LAMA5: variants seen among roughly 807,000 people sequenced by gnomAD.
The protein encoded by LAMA5 is laminin subunit alpha-5.
LAMA5 carries 260 observed loss-of-function variants against 433.4 expected under a neutral mutation model. The ratio of observed to expected loss-of-function variants is 0.60; its 90% CI spans 0.54 to 0.66. LAMA5 has a LOEUF of 0.66. LAMA5 is among the 30% of genes least tolerant of loss of function. The probability of loss-of-function intolerance (pLI) is 0.00; values close to 1 mark genes in which losing one functional copy is unlikely to be tolerated. For missense variants in LAMA5, 5,378 were observed against 5,258.5 expected (o/e 1.02, Z -0.70); for synonymous variants, 2,620 against 2,226.6 (o/e 1.18, Z -4.97).
At position 62,315,091 on chromosome 20, in the gene LAMA5, C is replaced by G; in HGVS notation, c.7984G>C (p.Gly2662Arg). ...TGGCCCCGCAGGCCCTCGTACTGGCCCTGCCACCGCTCCACATTCTCCTGC... is the reference window on the plus strand; with the variant it reads ...TGGCCCCGCAGGCCCTCGTACTGGCGCTGCCACCGCTCCACATTCTCCTGC... ...AMQENVERWQGQYEGLRGQDL... is the reference protein window; with the variant it reads ...AMQENVERWQRQYEGLRGQDL... The change falls in exon 59 of 80, where the codon GGC becomes CGC. Residue 2662 changes from glycine to arginine, a missense_variant. Coordinates refer to ENST00000252999, the MANE Select transcript of LAMA5 (RefSeq NM_005560.6). The G allele has an allele frequency of 5.6e-6, 9 of 1,605,114 alleles. No homozygotes were observed. The highest frequency in any genetic ancestry group is 7.6e-6 in the Non-Finnish European group (9 of 1,179,616).
Position 62,318,648 on chromosome 20 carries a change from G to A in LAMA5, c.7045C>T (p.Leu2349=), listed in dbSNP as rs1417731890. The change falls in exon 53 of 80, where the codon CTG becomes TTG. Residue 2349 remains leucine (L), a splice_region_variant and synonymous_variant. Coordinates refer to ENST00000252999, the MANE Select transcript of LAMA5 (RefSeq NM_005560.6). ...CTCAGCTGCTCCTGCACCCGGGCCA[G>A]CACTAGCCGAGACCAGGGTGAGGGT... ...EAELAAAQRL[L]ARVQEQLSSL... 1 of 1,609,344 alleles carries A rather than the reference G, an allele frequency of 6.2e-7. No individual in the cohort carries two copies. The highest frequency in any genetic ancestry group is 8.5e-7 in the Non-Finnish European group (1 of 1,178,664).
At chr20:62,322,819 G>A in intron 45 of LAMA5, 61 bp from the exon 46 acceptor site, 1 of 1,141,924 alleles carries the variant, frequency 8.8e-7, no homozygotes, top group Non-Finnish European at 1.2e-6. Flanking sequence ...GAGCCCCTAG[G>A]CACCCTCCTA....
In LAMA5 at chr20:62,323,677, GC is replaced by G. The variant is rs1415105820; in HGVS notation, c.5850-8del. On this transcript the variant is annotated splice_polypyrimidine_tract_variant and splice_region_variant and intron_variant, in intron 44 of 79. Coordinates refer to ENST00000252999, the MANE Select transcript of LAMA5 (RefSeq NM_005560.6). ...AAAGAATCCGGGCGCACACCTGGGA[GC>G]AGGGTGGGGAGGGGCCGTCAGTGGC... The G allele has an allele frequency of 6.2e-7, 1 of 1,604,050 alleles. No homozygotes were observed.
chr20:62,335,078 C>T lies in LAMA5; in HGVS notation c.2425G>A (p.Ala809Thr), dbSNP rs117678561. 5.1e-5 allele frequency: 82 copies of T among 1,613,054 alleles called. 1 individual carries two copies. The East Asian group carries it at 5.1e-4, about 10-fold the overall frequency. Residue 809 changes from alanine to threonine, a missense_variant, in exon 20 of 80, where the codon GCG becomes ACG. Physicochemically the swap from Ala to Thr is moderately conservative, Grantham distance 58 (BLOSUM62 0). Transcript: ENST00000252999. The part of the protein sequence containing the change: ...CKPHVCGQAC[A>T]SCKDGFFGLD... ...CCAAAGAAGCCATCCTTGCAGGACGCGCAGGCCTGGCCGCACACGTGGGGC... is the reference window on the plus strand; with the variant it reads ...CCAAAGAAGCCATCCTTGCAGGACGTGCAGGCCTGGCCGCACACGTGGGGC...
intron 69 of LAMA5, 60 bp downstream of exon 69, chr20:62,312,113 G>A: frequency 6.2e-7 from 1 of 1,609,818 alleles, no homozygotes; most frequent in Non-Finnish European, 8.5e-7. Context: ...AGACACCCCA[G>A]TCCCAACTGC....
intron 43 of LAMA5, 92 bp downstream of exon 43, chr20:62,323,988 G>A: frequency 7.0e-7 from 1 of 1,418,454 alleles, no homozygotes; most frequent in Non-Finnish European, 9.4e-7. Context: ...AGCTGTCCAG[G>A]CCTCTGCAGA....
At chr20:62,354,409 C>T (rs1312670287) in intron 2 of LAMA5, among the ~76,000 whole-genome samples, 1 of 151,156 alleles carries the variant, frequency 6.6e-6, no homozygotes, top group Non-Finnish European at 1.5e-5. Context: ...CCTCTCCTGC[C>T]CCCAGCAGTC....
chr20:62,342,840 A>G (rs1982806832), intron 11 of LAMA5, among the ~76,000 whole-genome samples: 1 of 152,242 alleles, frequency 6.6e-6, no homozygotes, highest in East Asian at 1.9e-4. Context: ...GTATTTTACA[A>G]AACCAAAACA....
chr20:62,316,615 C>T, intron 57 of LAMA5, 56 bp downstream of exon 57: 4 of 1,357,740 alleles, frequency 2.9e-6, no homozygotes, highest in Non-Finnish European at 4.0e-6. Context: ...CTGAGGGTCC[C>T]TGGGAGCTCA....
At chr20:62,334,978 G>A (rs1233508889) in intron 20 of LAMA5, 43 bp downstream of exon 20, 2 of 1,575,776 alleles carry the variant, frequency 1.3e-6, no homozygotes, top group Non-Finnish European at 1.7e-6. Context: ...ATAAACCGAG[G>A]GGAGGCAGGG....
In LAMA5 at chr20:62,333,372, C is replaced by T. The variant is rs1980868491; in HGVS notation, c.3128+3G>A. On this transcript the variant is annotated splice_donor_region_variant and intron_variant, in intron 25 of 79. Transcript: ENST00000252999. ...CCGGTCCCACCGCACGCATGGCCCT[C>T]ACTTGTCGCCAGACTGCTGGGCAGA... The T allele has an allele frequency of 6.2e-7, 1 of 1,612,436 alleles. No individual in the cohort carries two copies. Among genetic ancestry groups the T allele is most frequent in the Non-Finnish European group, 8.5e-7 (1 of 1,179,820 alleles).
chr20:62,319,917 ACT>A (rs1601308692), intron 50 of LAMA5, 122 bp from the exon 51 acceptor site: 3 of 605,488 alleles, frequency 5.0e-6, no homozygotes, highest in African/African-American at 1.8e-5. Context: ...TATCTATTTA[ACT>A]CTCTTATCTG....
At position 62,323,519 on chromosome 20, in the gene LAMA5, G is replaced by C; in HGVS notation, c.6001C>G (p.Pro2001Ala). The C allele has an allele frequency of 6.4e-7, 1 of 1,573,796 alleles. No homozygotes were observed. The highest frequency in any genetic ancestry group is 8.6e-7 in the Non-Finnish European group (1 of 1,162,632). ...CRGCLRHTTG[P>A]RCEICAPGFY... ...CCGGGGGCACAGATCTCGCAGCGGG[G>C]CCCAGTGGTGTGGCGCAGGCAGCCA... The change falls in exon 45 of 80, where the codon CCC becomes GCC. Residue 2001 changes from proline to alanine, a missense_variant. By Grantham distance (27) the Pro-to-Ala change is conservative (BLOSUM62 -1). Coordinates refer to ENST00000252999, the MANE Select transcript of LAMA5 (RefSeq NM_005560.6).
chr20:62,327,181 G>C (rs373768042), intron 38 of LAMA5, 52 bp downstream of exon 38: 17 of 1,439,112 alleles, frequency 1.2e-5, no homozygotes, highest in Non-Finnish European at 1.6e-5. Context: ...AACCCTCTCA[G>C]GCGTCCTGGC....
chr20:62,311,567 G>A (rs1419821677), intron 71 of LAMA5, 31 bp from the exon 72 acceptor site: 16 of 1,610,116 alleles, frequency 9.9e-6, no homozygotes, highest in South Asian at 1.1e-5. Context: ...GTCAGCAGCT[G>A]CGGAAGGCCA....
Position 62,318,884 on chromosome 20 carries a change from G to T in LAMA5, c.7001C>A (p.Pro2334Gln). ...WEMRARDLGAPQAAAEAELAA... is the reference protein window; with the variant it reads ...WEMRARDLGAQQAAAEAELAA... Reference sequence around the variant, plus strand: ...CAACTCAGCCTCAGCTGCTGCCTGCGGGGCCCCCAGGTCCCGGGCCCGCAT... The same window carrying T: ...CAACTCAGCCTCAGCTGCTGCCTGCTGGGCCCCCAGGTCCCGGGCCCGCAT... The change falls in exon 52 of 80, where the codon CCG becomes CAG. Residue 2334 changes from proline (P) to glutamine (Q), a missense_variant. Coordinates refer to ENST00000252999, the MANE Select transcript of LAMA5 (RefSeq NM_005560.6). 1.2e-6 allele frequency: 2 copies of T among 1,608,256 alleles called. No individual in the cohort carries two copies. The highest frequency in any genetic ancestry group is 1.3e-5 in the African/African-American group (1 of 74,948).
At chr20:62,319,822 C>G in intron 50 of LAMA5, 27 bp from the exon 51 acceptor site, 1 of 1,511,592 alleles carries the variant, frequency 6.6e-7, no homozygotes, top group African/African-American at 1.4e-5. Flanking sequence ...CACTAGCCCA[C>G]GCTGCTGGTA....
chr20:62,334,524 G>A lies in LAMA5; in HGVS notation c.2580C>T (p.Ser860=), dbSNP rs1382417237. The change falls in exon 21 of 80, where the codon AGC becomes AGT. Residue 860 remains serine (S), a splice_region_variant and synonymous_variant. Coordinates refer to ENST00000252999, the MANE Select transcript of LAMA5 (RefSeq NM_005560.6). The stretch of plus-strand genomic sequence containing the variant: ...CCCAGTGGGGAAGGGGTACCCACTC[G>A]CTGCAGGTGGGGCCCTGGGTGTTGG... ...CRPNTQGPTC[S]EPARDHYLPD... 34 of 1,547,834 alleles carry A rather than the reference G, an allele frequency of 2.2e-5. No individual in the cohort carries two copies. Among genetic ancestry groups the A allele is most frequent in the Non-Finnish European group, 2.7e-5 (31 of 1,146,444 alleles).
chr20:62,367,211 C>T lies in LAMA5; in HGVS notation c.35G>A (p.Cys12Tyr). Reference protein sequence around the residue: ...AKRLCAGSALCVRGPRGPAPL... With the variant: ...AKRLCAGSALYVRGPRGPAPL... ...CGCGGGGCCCCGGGGGCCGCGAACA[C>T]ACAGTGCGCTCCCCGCGCAGAGCCG... The change falls in exon 1 of 80, where the codon TGT becomes TAT. Residue 12 changes from cysteine to tyrosine, a missense_variant. Physicochemically the swap from Cys to Tyr is radical, Grantham distance 194. Coordinates refer to ENST00000252999, the MANE Select transcript of LAMA5 (RefSeq NM_005560.6). 8.2e-7 allele frequency: 1 copy of T among 1,217,142 alleles called. No homozygotes were observed. Among genetic ancestry groups the T allele is most frequent in the Non-Finnish European group, 1.0e-6 (1 of 979,156 alleles). The allele number at this position is 1,217,142 out of a possible 1,614,324, so 75.4% of individuals were successfully genotyped here. A position where few individuals can be genotyped will look rare whatever the true frequency, so the allele number is the denominator to read the frequency against.
Sources: allele counts gnomAD v4.1 joint callset (sites outside exome capture counted in the v4.1 genomes callset), GRCh38; gene constraint gnomAD v4.1.1; transcripts MANE v1.5; gene names NCBI Gene and HGNC (gene_info 2026-07-23, HGNC 2026-07-21).